Variants in CLEC2D observed in about 807,000 individuals in gnomAD.
CLEC2D encodes C-type lectin domain family 2 member D.
CLEC2D carries 16 observed loss-of-function variants against 20.0 expected under a neutral mutation model. The ratio of observed to expected loss-of-function variants is 0.80; its 90% confidence interval spans 0.54 to 1.22. The LOEUF is 1.22. Ranked by LOEUF, CLEC2D falls within the 50% of genes most tolerant of loss-of-function variation. The pLI is 0.00. For synonymous variants in CLEC2D, 77 were observed against 71.1 expected (o/e 1.08, Z -0.42); for missense variants, 207 against 221.5 (o/e 0.93, Z 0.42).
intron 1 of CLEC2D, among the ~76,000 whole-genome samples, chr12:9,674,598 G>A (rs1159054630): frequency 6.6e-6 from 1 of 152,222 alleles, no homozygotes; most frequent in Non-Finnish European, 1.5e-5. Flanking sequence ...AGTGGCTGTA[G>A]CATTTCGCTT....
chr12:9,681,451 G>A (rs1237287296), intron 2 of CLEC2D, among the ~76,000 whole-genome samples: 1 of 152,142 alleles, frequency 6.6e-6, no homozygotes, highest in Non-Finnish European at 1.5e-5. Flanking sequence ...CAGGCAGCCT[G>A]TTCTTTCTTC....
chr12:9,695,459 G>C lies in CLEC2D; in HGVS notation c.*585G>C. 1 of 1,327,646 alleles carries C rather than the reference G, an allele frequency of 7.5e-7. No homozygotes were observed. The allele number at this position is 1,327,646 out of a possible 1,614,324, so 82.2% of individuals were successfully genotyped here. ...TCTTTTCAGTTGTGAACTAAAGGCC[G>C]ACAAAGATGATCACTTTAAGGTGGA... On this transcript the variant is annotated 3_prime_UTR_variant, in exon 5 of 5. Transcript: ENST00000290855.
Position 9,694,816 on chromosome 12 carries a change from G to C in CLEC2D, c.518G>C (p.Ser173Thr). ...TATTTGAATGACAAAGGTGCCAGTAGTGCCAGGCACTACACAGAGAGGAAG... is the reference window on the plus strand; with the variant it reads ...TATTTGAATGACAAAGGTGCCAGTACTGCCAGGCACTACACAGAGAGGAAG... ...CAYLNDKGAS[S>T]ARHYTERKWI... Residue 173 changes from serine (S) to threonine (T), a missense_variant, in exon 5 of 5, where the codon AGT becomes ACT. Physicochemically the swap from Ser to Thr is moderately conservative, Grantham distance 58. Coordinates refer to ENST00000290855, the MANE Select transcript of CLEC2D (RefSeq NM_013269.6). The C allele has an allele frequency of 6.2e-7, 1 of 1,613,186 alleles. No homozygotes were observed. Among genetic ancestry groups the C allele is most frequent in the Non-Finnish European group, 8.5e-7 (1 of 1,179,272 alleles).
chr12:9,671,274 A>G (rs1174464621), intron 1 of CLEC2D, among the ~76,000 whole-genome samples: 5 of 152,162 alleles, frequency 3.3e-5, no homozygotes, highest in African/African-American at 4.8e-5. Flanking sequence ...CCCAGGCTGG[A>G]GTGCAGTGGC....
In CLEC2D at chr12:9,671,309, C is replaced by T. The variant is rs1034351293; in HGVS notation, c.61+1514C>T. Among the ~76,000 whole-genome samples the T allele has an allele frequency of 2.6e-5, 4 of 152,146 alleles. No individual in the cohort carries two copies. In the East Asian group the frequency reaches 5.8e-4, roughly 22 times the overall value. On this transcript the variant is annotated intron_variant, in intron 1 of 4. Transcript: ENST00000290855. ...CGCGATCTCGGCTCACTGCAAGCCC[C>T]GCCTCCTGGGTTCACGCCATTCTGC... is the stretch of plus-strand genomic sequence containing the variant.
At chr12:9,682,029 A>G (rs1325907897) in intron 2 of CLEC2D, among the ~76,000 whole-genome samples, 2 of 152,184 alleles carry the variant, frequency 1.3e-5, no homozygotes, top group Admixed American at 6.5e-5. Flanking sequence ...ATTTAAATTT[A>G]TAGCTCTTTT....
intron 1 of CLEC2D, among the ~76,000 whole-genome samples, 164 bp downstream of exon 1, chr12:9,669,959 A>G (rs776947004): frequency 5.9e-5 from 9 of 152,214 alleles, no homozygotes; most frequent in Non-Finnish European, 8.8e-5. Flanking sequence ...TAAAACATGC[A>G]TATATTTATA....
At chr12:9,686,557 C>T (rs1249000391) in intron 2 of CLEC2D, among the ~76,000 whole-genome samples, 1 of 152,132 alleles carries the variant, frequency 6.6e-6, no homozygotes, top group African/African-American at 2.4e-5. Context: ...TCTCATCTCA[C>T]AAGAGCCAAA....
chr12:9,695,820 A>G lies in CLEC2D; in HGVS notation c.*946A>G. 1 of 1,191,918 alleles carries G rather than the reference A, an allele frequency of 8.4e-7. No individual in the cohort carries two copies. 73.8% of individuals were successfully genotyped at this position (1,191,918 alleles called of 1,614,324 possible). A position where few individuals can be genotyped will look rare whatever the true frequency, so the allele number is the denominator to read the frequency against. Reference sequence around the variant, plus strand: ...TATCTGGAAAGCAGTCTGCCCCTGGAGGTGGGCAGAAAAAAGTAAAACTTG... The same window carrying G: ...TATCTGGAAAGCAGTCTGCCCCTGGGGGTGGGCAGAAAAAAGTAAAACTTG... On this transcript the variant is annotated 3_prime_UTR_variant, in exon 5 of 5. Transcript: ENST00000290855.
rs1456356668 is a variant in CLEC2D at position 9,698,177 on chromosome 12, GATTAA to G, written c.*3306_*3310del. On this transcript the variant is annotated 3_prime_UTR_variant, in exon 5 of 5. Transcript: ENST00000290855. ...CTGATATATGTGTACACTATGGAAT[GATTAA>G]ATCAAACTAACATTTCATCATCTCA... 6.6e-6 allele frequency: 1 copy of G among 152,186 alleles called. No individual in the cohort carries two copies. The highest frequency in any genetic ancestry group is 1.9e-4 in the East Asian group (1 of 5,206). 9.4% of individuals were successfully genotyped at this position (152,186 alleles called of 1,614,324 possible). A position where few individuals can be genotyped will look rare whatever the true frequency, so the allele number is the denominator to read the frequency against.
chr12:9,678,319 T>C (rs1865566537), intron 1 of CLEC2D, among the ~76,000 whole-genome samples: 1 of 152,180 alleles, frequency 6.6e-6, no homozygotes, highest in Non-Finnish European at 1.5e-5. Context: ...CAGTATGATA[T>C]AATACATATA....
intron 4 of CLEC2D, 46 bp from the exon 5 acceptor site, chr12:9,694,714 T>G: frequency 1.0e-6 from 1 of 976,068 alleles, no homozygotes; most frequent in African/African-American, 1.6e-5. Flanking sequence ...TCTCTGCTGT[T>G]GAAGAAATGT....
At chr12:9,681,251 G>A (rs1865629316) in intron 2 of CLEC2D, among the ~76,000 whole-genome samples, 1 of 151,882 alleles carries the variant, frequency 6.6e-6, no homozygotes, top group Admixed American at 6.6e-5. Flanking sequence ...GTCTTCAGAA[G>A]GTAGAAGACA....
chr12:9,678,793 A>T (rs1473768479), intron 1 of CLEC2D, among the ~76,000 whole-genome samples: 1 of 152,166 alleles, frequency 6.6e-6, no homozygotes, highest in Non-Finnish European at 1.5e-5. Context: ...CTCCTGCCTC[A>T]GTGTCTCAAA....
At chr12:9,677,630 G>A (rs577565243) in intron 1 of CLEC2D, among the ~76,000 whole-genome samples, 2 of 150,292 alleles carry the variant, frequency 1.3e-5, no homozygotes, top group Non-Finnish European at 3.0e-5. Context: ...AATTATATTC[G>A]GTTAATTGAT....
At position 9,696,247 on chromosome 12, in the gene CLEC2D, A is replaced by T; in HGVS notation, c.*1373A>T. On this transcript the variant is annotated 3_prime_UTR_variant, in exon 5 of 5. Coordinates refer to ENST00000290855, the MANE Select transcript of CLEC2D (RefSeq NM_013269.6). ...GTCTCTTTAAGAAAATAGTTTAAAC[A>T]ATTTGTTAAAAATTTTCCATCTTAT... is the stretch of plus-strand genomic sequence containing the variant. 1.3e-6 allele frequency: 1 copy of T among 798,434 alleles called. No individual in the cohort carries two copies. Among genetic ancestry groups the T allele is most frequent in the Non-Finnish European group, 2.2e-6 (1 of 456,888 alleles). 49.5% of individuals were successfully genotyped at this position (798,434 alleles called of 1,614,324 possible). A position where few individuals can be genotyped will look rare whatever the true frequency, so the allele number is the denominator to read the frequency against.
At chr12:9,670,353 T>C (rs766213909) in intron 1 of CLEC2D, among the ~76,000 whole-genome samples, 1 of 152,166 alleles carries the variant, frequency 6.6e-6, no homozygotes, top group Non-Finnish European at 1.5e-5. Context: ...TTAGGGAATA[T>C]CAAGGTTTTA....
Position 9,672,227 on chromosome 12 carries a change from C to T in CLEC2D, c.61+2432C>T, listed in dbSNP as rs768245934. Among the ~76,000 whole-genome samples, 3 of 152,290 alleles carry T rather than the reference C, an allele frequency of 2.0e-5. No homozygotes were observed. In the East Asian group the frequency reaches 5.8e-4, roughly 29 times the overall value. On this transcript the variant is annotated intron_variant, in intron 1 of 4. Coordinates refer to ENST00000290855, the MANE Select transcript of CLEC2D (RefSeq NM_013269.6). The stretch of plus-strand genomic sequence containing the variant: ...CTTGCTTTTATAACAAATCCACTTT[C>T]GTGATAGTAAACCCACTCCCATTAT...
chr12:9,679,981 A>G (rs1591692565), intron 1 of CLEC2D, among the ~76,000 whole-genome samples: 1 of 152,282 alleles, frequency 6.6e-6, no homozygotes, highest in South Asian at 2.1e-4. Flanking sequence ...TAAGATAAAC[A>G]CCTTTGTTGA....
Sources: gnomAD v4.1 joint callset for allele counts (sites outside exome capture counted in the v4.1 genomes callset) on GRCh38, gnomAD v4.1.1 for gene constraint, MANE v1.5 for transcripts, NCBI Gene and HGNC (gene_info 2026-07-23, HGNC 2026-07-21) for gene names.